The following DESI1 variants were observed in gnomAD, a reference collection of about 807,000 sequenced individuals.
DESI1 encodes the protein PPPDE peptidase domain containing 2.
DESI1 carries 17 observed loss-of-function variants against 22.4 expected under a neutral mutation model. The ratio of observed to expected loss-of-function variants is 0.76; its 90% CI spans 0.52 to 1.14. The LOEUF (loss-of-function observed/expected upper bound fraction) is 1.14, where lower values mean the gene tolerates loss of function less well. Ranked by LOEUF, DESI1 falls within the 50% of genes most tolerant of loss-of-function variation. The pLI, the probability that DESI1 is intolerant of heterozygous loss-of-function variation, is 0.00. For missense variants in DESI1, 177 were observed against 208.9 expected (o/e 0.85, Z 0.94); for synonymous variants, 92 against 84.2 (o/e 1.09, Z -0.51).
intron 1 of DESI1, among the ~76,000 whole-genome samples, chr22:41,618,995 C>T (rs990367002): frequency 2.6e-5 from 4 of 151,676 alleles, no homozygotes; most frequent in South Asian, 2.1e-4. Context: ...ACCCGGGAGG[C>T]GGAGCTTGCA....
At chr22:41,608,036 A>T (rs2067493183) in intron 1 of DESI1, among the ~76,000 whole-genome samples, 175 bp from the exon 2 acceptor site, 1 of 152,212 alleles carries the variant, frequency 6.6e-6, no homozygotes, top group African/African-American at 2.4e-5. Flanking sequence ...GAGTGTAAGT[A>T]AGTTGAAAAG....
At chr22:41,610,110 G>A (rs1463445671) in intron 1 of DESI1, among the ~76,000 whole-genome samples, 3 of 148,662 alleles carry the variant, frequency 2.0e-5, no homozygotes, top group South Asian at 2.2e-4. Context: ...GACAAGGTAC[G>A]GTGGCTCACG....
Position 41,601,193 on chromosome 22 carries a change from G to A in DESI1, c.414-3C>T, listed in dbSNP as rs759810119. ...GCCGAAGTGCCTGTCCAAAGGGCCT[G>A]CAAGGAAACAGAGACATGAGAGGGG... On this transcript the variant is annotated splice_region_variant and splice_polypyrimidine_tract_variant and intron_variant, in intron 5 of 5. Coordinates refer to ENST00000263256, the MANE Select transcript of DESI1 (RefSeq NM_015704.3). 1.9e-6 allele frequency: 3 copies of A among 1,606,406 alleles called. No homozygotes were observed. The highest frequency in any genetic ancestry group is 1.7e-6 in the Non-Finnish European group (2 of 1,176,764).
chr22:41,604,940 C>G (rs900525313), intron 3 of DESI1, among the ~76,000 whole-genome samples: 2 of 151,936 alleles, frequency 1.3e-5, no homozygotes, highest in Admixed American at 6.6e-5. Context: ...GGAGGGGGGG[C>G]CCTGGGAAGC....
intron 1 of DESI1, among the ~76,000 whole-genome samples, chr22:41,612,515 A>AT (rs1555901362): frequency 6.5e-5 from 1 of 15,336 alleles, no homozygotes; most frequent in Non-Finnish European, 3.9e-4. Flanking sequence ...TCAAAAAAAG[A>AT]AAAAAAAAAA....
intron 1 of DESI1, among the ~76,000 whole-genome samples, chr22:41,612,907 C>G (rs893742560): frequency 1.3e-5 from 2 of 151,964 alleles, no homozygotes; most frequent in Non-Finnish European, 2.9e-5. Flanking sequence ...AAGAGGGATG[C>G]AGGGGCAATG....
chr22:41,602,840 G>T, intron 5 of DESI1: 2 of 1,050,086 alleles, frequency 1.9e-6, no homozygotes, highest in East Asian at 7.5e-5. Context: ...AGAGTTCATG[G>T]TGCAGTGTAA....
chr22:41,603,533 C>T, intron 4 of DESI1, 152 bp from the exon 5 acceptor site: 3 of 1,206,876 alleles, frequency 2.5e-6, no homozygotes, highest in African/African-American at 1.5e-5. Context: ...TGCTTATTTG[C>T]CATTCTGGCC....
chr22:41,618,544 A>G (rs2067563522), intron 1 of DESI1, among the ~76,000 whole-genome samples: 1 of 152,150 alleles, frequency 6.6e-6, no homozygotes, highest in South Asian at 2.1e-4. Flanking sequence ...CATTTACCTT[A>G]ACACGTTGAC....
intron 1 of DESI1, among the ~76,000 whole-genome samples, chr22:41,619,866 T>C (rs1419765830): frequency 6.6e-6 from 1 of 152,220 alleles, no homozygotes; most frequent in Non-Finnish European, 1.5e-5. Context: ...GCTTCAATTT[T>C]CAATAATTGG....
chr22:41,605,627 C>T (rs1436430991), intron 3 of DESI1, among the ~76,000 whole-genome samples: 1 of 152,144 alleles, frequency 6.6e-6, no homozygotes, highest in Non-Finnish European at 1.5e-5. Context: ...ACTCATATAA[C>T]AACTATGGAT....
At chr22:41,612,251 G>A (rs1387606852) in intron 1 of DESI1, among the ~76,000 whole-genome samples, 1 of 152,140 alleles carries the variant, frequency 6.6e-6, no homozygotes, top group Non-Finnish European at 1.5e-5. Flanking sequence ...GCTCACGCCT[G>A]TAATCCGAGC....
At chr22:41,610,845 C>T (rs1327647158) in intron 1 of DESI1, among the ~76,000 whole-genome samples, 1 of 149,870 alleles carries the variant, frequency 6.7e-6, no homozygotes, top group Non-Finnish European at 1.5e-5. Flanking sequence ...TGTACTCCAG[C>T]CTGGGTGAAA....
intron 1 of DESI1, among the ~76,000 whole-genome samples, chr22:41,610,766 G>A (rs2067512212): frequency 6.6e-6 from 1 of 152,044 alleles, no homozygotes; most frequent in Non-Finnish European, 1.5e-5. Flanking sequence ...CCAGCTACTT[G>A]GGAGGCTGAG....
chr22:41,609,972 C>T (rs1395848915), intron 1 of DESI1, among the ~76,000 whole-genome samples: 3 of 150,866 alleles, frequency 2.0e-5, no homozygotes, highest in East Asian at 3.9e-4. Flanking sequence ...CCCAGCTACT[C>T]GGGAGGCTGA....
chr22:41,604,939 G>A (rs1039054391), intron 3 of DESI1, among the ~76,000 whole-genome samples: 1 of 151,472 alleles, frequency 6.6e-6, no homozygotes, highest in Non-Finnish European at 1.5e-5. Context: ...GGGAGGGGGG[G>A]CCCTGGGAAG....
chr22:41,611,559 T>G (rs1395591561), intron 1 of DESI1, among the ~76,000 whole-genome samples: 8 of 151,084 alleles, frequency 5.3e-5, no homozygotes, highest in Non-Finnish European at 1.5e-5. Flanking sequence ...CTGGAGAAAT[T>G]AAGGATACCT....
chr22:41,613,417 T>C (rs2067530182), intron 1 of DESI1, among the ~76,000 whole-genome samples: 1 of 152,226 alleles, frequency 6.6e-6, no homozygotes, highest in African/African-American at 2.4e-5. Flanking sequence ...TTTGAAAGTT[T>C]TATAGTTGTT....
At chr22:41,617,533 C>A (rs913868795) in intron 1 of DESI1, among the ~76,000 whole-genome samples, 3 of 152,216 alleles carry the variant, frequency 2.0e-5, no homozygotes, top group Non-Finnish European at 4.4e-5. Flanking sequence ...GGGACATACC[C>A]AACTTCAAGA....
Sources: gnomAD v4.1 joint callset for allele counts (sites outside exome capture counted in the v4.1 genomes callset) on GRCh38, gnomAD v4.1.1 for gene constraint, MANE v1.5 for transcripts, NCBI Gene and HGNC (gene_info 2026-07-23, HGNC 2026-07-21) for gene names.